COL19A1: variants seen among roughly 807,000 people sequenced by gnomAD.
The protein encoded by COL19A1 is collagen alpha-1(XIX) chain.
A neutral mutation model predicts 190.2 loss-of-function variants in COL19A1; 159 were observed. The ratio of observed to expected loss-of-function variants is 0.84; its 90% CI spans 0.73 to 0.95. The LOEUF is 0.95. COL19A1 is among the 40% of genes least tolerant of loss of function. COL19A1 has a pLI of 0.00. For missense variants in COL19A1, 1,418 were observed against 1,431.9 expected, an observed-to-expected ratio of 0.99 and a Z score of 0.16; for synonymous variants, 509 against 458.9, an observed-to-expected ratio of 1.11 and a Z score of -1.39.
chr6:69,906,690 CAAAT>C (rs1770571993), intron 4 of COL19A1, among the ~76,000 whole-genome samples: 1 of 152,132 alleles, frequency 6.6e-6, no homozygotes, highest in South Asian at 2.1e-4. Context: ...GTATTTGTTA[CAAAT>C]AAATAAATCT....
intron 48 of COL19A1, among the ~76,000 whole-genome samples, chr6:70,197,093 C>T (rs1767243550): frequency 6.6e-6 from 1 of 151,918 alleles, no homozygotes. Context: ...TGTGTTTCGA[C>T]ATTGAAGGTA....
chr6:70,119,482 G>A (rs1055928638), intron 16 of COL19A1, among the ~76,000 whole-genome samples: 3 of 152,138 alleles, frequency 2.0e-5, no homozygotes, highest in Non-Finnish European at 4.4e-5. Context: ...GAACATAGAA[G>A]AGTGATCACC....
chr6:70,150,039 T>C lies in COL19A1; in HGVS notation c.2031T>C (p.Gly677=). ...DGKPGLPGPP[G]DPIALPLLGD... The stretch of plus-strand genomic sequence containing the variant: ...AGCCAGGCCTGCCAGGCCCCCCAGG[T>C]GACCCGGTATGTAGACAAACCTTGT... The change falls in exon 30 of 51, where the codon GGT becomes GGC. Residue 677 remains glycine (G), a synonymous_variant. Coordinates refer to ENST00000620364, the MANE Select transcript of COL19A1 (RefSeq NM_001858.6). 6.2e-7 allele frequency: 1 copy of C among 1,613,720 alleles called. No homozygotes were observed.
intron 22 of COL19A1, 77 bp downstream of exon 22, chr6:70,142,153 G>A: frequency 7.7e-7 from 1 of 1,292,342 alleles, no homozygotes. Context: ...ATGGTGCTTT[G>A]GTATGCCACT....
At chr6:70,023,724 A>G in intron 12 of COL19A1, 44 bp downstream of exon 12, 3 of 1,542,618 alleles carry the variant, frequency 1.9e-6, no homozygotes, top group Non-Finnish European at 2.7e-6. Flanking sequence ...ACATTTTACC[A>G]CTAAGATATG....
chr6:70,091,820 C>T (rs1413935108), intron 15 of COL19A1, among the ~76,000 whole-genome samples: 1 of 152,138 alleles, frequency 6.6e-6, no homozygotes, highest in Non-Finnish European at 1.5e-5. Context: ...AAACCCTAAC[C>T]TTACTTTGGG....
chr6:69,971,898 A>G (rs1045663555), intron 11 of COL19A1, among the ~76,000 whole-genome samples: 5 of 152,180 alleles, frequency 3.3e-5, no homozygotes, highest in Non-Finnish European at 5.9e-5. Flanking sequence ...TTATGGTCAG[A>G]TGCATCTTTA....
At chr6:69,936,937 T>C (rs1408338808) in intron 8 of COL19A1, 27 bp downstream of exon 8, 2 of 1,609,502 alleles carry the variant, frequency 1.2e-6, no homozygotes, top group African/African-American at 2.7e-5. Flanking sequence ...TGGTGCACAC[T>C]GAAAGCCACT....
chr6:69,965,506 C>G (rs1467284773), intron 11 of COL19A1, among the ~76,000 whole-genome samples: 1 of 152,168 alleles, frequency 6.6e-6, no homozygotes, highest in Non-Finnish European at 1.5e-5. Context: ...AACACTCTCT[C>G]CTTAGTCCTG....
At position 70,135,664 on chromosome 6, in the gene COL19A1, C is replaced by T. The variant is rs553512433; in HGVS notation, c.1384-2021C>T. Among the ~76,000 whole-genome samples, 18 of 152,228 alleles carry T rather than the reference C, an allele frequency of 1.2e-4. No homozygotes were observed. The South Asian group carries it at 3.3e-3, about 28-fold the overall frequency. On this transcript the variant is annotated intron_variant, in intron 18 of 50. Coordinates refer to ENST00000620364, the MANE Select transcript of COL19A1 (RefSeq NM_001858.6). ...TTGCAAAATCAGCCAGCAAAGAGAC[C>T]GGAATTGGGCTTAAATTTGCCTCCT...
At position 69,879,515 on chromosome 6, in the gene COL19A1, AT is replaced by A. The variant is rs878981757; in HGVS notation, c.-32-10del. On this transcript the variant is annotated intron_variant, in intron 1 of 50. Coordinates refer to ENST00000620364, the MANE Select transcript of COL19A1 (RefSeq NM_001858.6). ...GCTGCATACAATAAACTTTATTCAA[AT>A]TTTTTTTTTTCTGTTGCAGATCCGT... The A allele has an allele frequency of 0.011, 12,621 of 1,114,724 alleles. No homozygotes were observed. Among genetic ancestry groups the A allele is most frequent in the South Asian group, 0.013 (812 of 61,998 alleles). The allele number at this position is 1,114,724 out of a possible 1,614,324, so 69.1% of individuals were successfully genotyped here.
rs375899890 is a variant in COL19A1, at chr6:69,903,561, G to A, written c.266+3223G>A. On this transcript the variant is annotated intron_variant, in intron 4 of 50. Transcript: ENST00000620364. ...TTTATGAGCCTGAAGGGCAGCATACGCACTTACTAACTGCTTCCCAGTCCG... is the reference window on the plus strand; with the variant it reads ...TTTATGAGCCTGAAGGGCAGCATACACACTTACTAACTGCTTCCCAGTCCG... Among the ~76,000 whole-genome samples the A allele has an allele frequency of 4.6e-5, 7 of 152,252 alleles. No homozygotes were observed. The East Asian group carries it at 5.8e-4, about 13-fold the overall frequency.
chr6:70,103,986 C>G (rs563416003), intron 16 of COL19A1, among the ~76,000 whole-genome samples: 1 of 152,248 alleles, frequency 6.6e-6, no homozygotes, highest in East Asian at 1.9e-4. Flanking sequence ...ACACCCTGCA[C>G]CACCACTAGA....
In COL19A1 at chr6:69,875,477, T is replaced by G. The variant is rs547631840; in HGVS notation, c.-32-4059T>G. On this transcript the variant is annotated intron_variant, in intron 1 of 50. Transcript: ENST00000620364. ...ATTCAGTAATGAATGAATTCAGTAA[T>G]TAATTGGAAGCTGTTGAGGGGTCTA... 3.9e-5 allele frequency among the ~76,000 whole-genome samples: 6 copies of G among 152,296 alleles called. 1 individual carries two copies. The highest frequency in any genetic ancestry group is 1.4e-4 in the African/African-American group (6 of 41,560).
chr6:70,077,233 A>G (rs1184400613), intron 15 of COL19A1, among the ~76,000 whole-genome samples: 2 of 152,170 alleles, frequency 1.3e-5, no homozygotes, highest in South Asian at 2.1e-4. Context: ...TTTTTCTTAT[A>G]CATTATATTT....
chr6:70,158,757 G>T (rs568623802), intron 34 of COL19A1, among the ~76,000 whole-genome samples: 9 of 152,194 alleles, frequency 5.9e-5, no homozygotes, highest in African/African-American at 1.9e-4. Flanking sequence ...GCTAGGATTT[G>T]CAAAATGAAA....
intron 14 of COL19A1, among the ~76,000 whole-genome samples, chr6:70,057,007 C>T (rs557877957): frequency 6.6e-6 from 1 of 152,204 alleles, no homozygotes; most frequent in South Asian, 2.1e-4. Context: ...TGTTGCATAA[C>T]CCAAATGCAA....
chr6:69,958,627 A>G (rs1465835734), intron 9 of COL19A1, among the ~76,000 whole-genome samples: 6 of 152,176 alleles, frequency 3.9e-5, no homozygotes, highest in Non-Finnish European at 8.8e-5. Flanking sequence ...TTAGCAGCAA[A>G]GTTTTACTTT....
intron 11 of COL19A1, among the ~76,000 whole-genome samples, chr6:69,974,893 A>G (rs1180722520): frequency 6.8e-6 from 1 of 147,666 alleles, no homozygotes; most frequent in African/African-American, 2.6e-5. Flanking sequence ...GCTCACTGCA[A>G]GCTCCACCTC....
Sources: allele counts gnomAD v4.1 joint callset (sites outside exome capture counted in the v4.1 genomes callset), GRCh38; gene constraint gnomAD v4.1.1; transcripts MANE v1.5; gene names NCBI Gene and HGNC (gene_info 2026-07-23, HGNC 2026-07-21).